PSD2: variants seen among roughly 807,000 people sequenced by gnomAD.
The protein encoded by PSD2 is pleckstrin and Sec7 domain containing 2.
A neutral mutation model predicts 69.8 loss-of-function variants in PSD2; 38 were observed. The ratio of observed to expected loss-of-function variants is 0.54; its 90% confidence interval spans 0.42 to 0.71. PSD2 has a LOEUF of 0.71. Ranked by LOEUF, PSD2 falls within the 30% of genes least tolerant of loss-of-function variation. PSD2 has a pLI of 0.00. For missense variants in PSD2, 943 were observed against 1,014.5 expected (o/e 0.93, Z 0.96); for synonymous variants, 412 against 423.0 (o/e 0.97, Z 0.32).
chr5:139,840,633 C>T (rs150682794), intron 14 of PSD2, among the ~76,000 whole-genome samples: 172 of 150,504 alleles, frequency 1.1e-3, no homozygotes, highest in Non-Finnish European at 1.8e-3. Context: ...TCACTATAAT[C>T]TCTGCCTCCT....
chr5:139,835,642 T>TGTACC, intron 8 of PSD2, 81 bp from the exon 9 acceptor site: 1 of 1,410,210 alleles, frequency 7.1e-7, no homozygotes, highest in Non-Finnish European at 1.0e-6. Context: ...GCTCCCTCAC[T>TGTACC]GTACCCATGT....
intron 7 of PSD2, among the ~76,000 whole-genome samples, chr5:139,827,211 A>G (rs892007013): frequency 9.2e-5 from 14 of 152,256 alleles, no homozygotes; most frequent in Admixed American, 3.3e-4. Flanking sequence ...AGAGAGAGCC[A>G]CAGTGTCTAC....
chr5:139,805,032 TTGTGCATGTGTG>T (rs1177008415), intron 1 of PSD2, among the ~76,000 whole-genome samples: 13 of 150,746 alleles, frequency 8.6e-5, no homozygotes, highest in African/African-American at 3.2e-4. Context: ...TGTGTGTGTA[TTGTGCATGTGTG>T]TGCGCATGTG....
At chr5:139,788,043 C>T in the PSD2 span, among the ~76,000 whole-genome samples, 1 of 152,228 alleles carries the variant, frequency 6.6e-6, no homozygotes, top group Non-Finnish European at 1.5e-5. Context: ...GACCTGTATT[C>T]GCTTCCTTTC....
the PSD2 span, among the ~76,000 whole-genome samples, chr5:139,766,830 T>TCTCTCTC: frequency 4.9e-5 from 1 of 20,592 alleles, no homozygotes; most frequent in East Asian, 1.6e-3. Flanking sequence ...GTCCCTTCCT[T>TCTCTCTC]CTTTCTTTCT....
the PSD2 span, among the ~76,000 whole-genome samples, chr5:139,756,427 G>T: frequency 6.6e-6 from 1 of 152,238 alleles, no homozygotes; most frequent in South Asian, 2.1e-4. Flanking sequence ...AGCATCTAGG[G>T]TCAGACTGGG....
At chr5:139,756,180 C>A in the PSD2 span, among the ~76,000 whole-genome samples, 1 of 152,206 alleles carries the variant, frequency 6.6e-6, no homozygotes, top group Non-Finnish European at 1.5e-5. Context: ...ATTTCTCCCC[C>A]CTCTTCCTTT....
At chr5:139,823,952 G>A (rs1760340827) in intron 7 of PSD2, among the ~76,000 whole-genome samples, 1 of 152,210 alleles carries the variant, frequency 6.6e-6, no homozygotes, top group Non-Finnish European at 1.5e-5. Flanking sequence ...GTCAGGAAGA[G>A]CAAATATGCG....
chr5:139,767,283 G>A, the PSD2 span, among the ~76,000 whole-genome samples: 3 of 151,208 alleles, frequency 2.0e-5, no homozygotes, highest in South Asian at 2.1e-4. Flanking sequence ...GTGAGCCACC[G>A]CACCCAGCCA....
At chr5:139,780,896 T>A in the PSD2 span, among the ~76,000 whole-genome samples, 2 of 152,202 alleles carry the variant, frequency 1.3e-5, no homozygotes, top group Non-Finnish European at 2.9e-5. Flanking sequence ...GCTACCATTA[T>A]CCCCATTTTA....
intron 7 of PSD2, among the ~76,000 whole-genome samples, chr5:139,825,203 G>A (rs569049620): frequency 3.3e-5 from 5 of 152,220 alleles, no homozygotes; most frequent in East Asian, 3.8e-4. Flanking sequence ...TGATGGGTCC[G>A]GTCTAAGGGT....
At chr5:139,743,889 CAGAA>C in the PSD2 span, 1 of 152,268 alleles carries the variant, frequency 6.6e-6, no homozygotes, top group Admixed American at 6.5e-5. Flanking sequence ...GGGGAGCAGG[CAGAA>C]AGAACAGGCT....
rs1388048671 is a variant in PSD2 at position 139,837,456 on chromosome 5, T to C, written c.1666-169T>C. ...TCAGCATGAGGCCTGTTCAGGCCTC[T>C]GGGACAAACTGGGGTAAGGGGAGGA... On this transcript the variant is annotated intron_variant, in intron 11 of 14. Coordinates refer to ENST00000274710, the MANE Select transcript of PSD2 (RefSeq NM_032289.4). This position sits in a 1 kb window ranked among gnomAD's most constrained non-coding sequence, Gnocchi z 5.0. Among the ~76,000 whole-genome samples, 2 of 152,114 alleles carry C rather than the reference T, an allele frequency of 1.3e-5. No individual in the cohort carries two copies. Among genetic ancestry groups the C allele is most frequent in the African/African-American group, 2.4e-5 (1 of 41,418 alleles).
the PSD2 span, among the ~76,000 whole-genome samples, chr5:139,785,730 A>G: frequency 1.6e-4 from 25 of 152,238 alleles, no homozygotes; most frequent in Non-Finnish European, 2.9e-4. Flanking sequence ...GACTCAATAT[A>G]TATTTGTTGA....
chr5:139,813,319 C>T lies in PSD2; in HGVS notation c.382C>T (p.Pro128Ser). ...CCTTGCATCCCACAGGTTGGATGGT[C>T]CCGGGGAGCCAGATGTGCGGGATGG... Reference protein sequence around the residue: ...AEDPQLGLDGPGEPDVRDGFS... With the variant: ...AEDPQLGLDGSGEPDVRDGFS... The change falls in exon 3 of 15, where the codon CCC (proline) becomes TCC (serine). Residue 128 changes from proline to serine, a missense_variant. Transcript: ENST00000274710. 1 of 1,551,010 alleles carries T rather than the reference C, an allele frequency of 6.4e-7. No individual in the cohort carries two copies. The highest frequency in any genetic ancestry group is 8.7e-7 in the Non-Finnish European group (1 of 1,143,136).
chr5:139,814,428 G>A lies in PSD2; in HGVS notation c.1016+64G>A. On this transcript the variant is annotated intron_variant, in intron 4 of 14. Coordinates refer to ENST00000274710, the MANE Select transcript of PSD2 (RefSeq NM_032289.4). This position sits in a 1 kb window ranked among gnomAD's most constrained non-coding sequence, Gnocchi z 4.4. ...CTCGTGTCTTCCTCAACCTGAAGAG[G>A]GTGTGGGTGACCTTCTTCAGGGGTG... The A allele has an allele frequency of 4.1e-6, 6 of 1,458,002 alleles. No individual in the cohort carries two copies. Among genetic ancestry groups the A allele is most frequent in the Non-Finnish European group, 5.5e-6 (6 of 1,095,876 alleles). The allele number at this position is 1,458,002 out of a possible 1,614,324, so 90.3% of individuals were successfully genotyped here. A position where few individuals can be genotyped will look rare whatever the true frequency, so the allele number is the denominator to read the frequency against.
rs769695049 is a variant in PSD2, at chr5:139,838,609, C to G, written c.1824-19C>G. Reference sequence around the variant, plus strand: ...GTCCTGTGTGAGAGGCCGGCACCCTCTCCCCCTCCTGTCCCCAGGAGCAAG... The same window carrying G: ...GTCCTGTGTGAGAGGCCGGCACCCTGTCCCCCTCCTGTCCCCAGGAGCAAG... On this transcript the variant is annotated intron_variant, in intron 12 of 14. Transcript: ENST00000274710. 1 of 1,606,642 alleles carries G rather than the reference C, an allele frequency of 6.2e-7. No homozygotes were observed. Among genetic ancestry groups the G allele is most frequent in the South Asian group, 1.1e-5 (1 of 90,738 alleles).
Position 139,828,727 on chromosome 5 carries a change from A to G in PSD2, c.1270-4975A>G, listed in dbSNP as rs372535432. Among the ~76,000 whole-genome samples, 625 of 152,292 alleles carry G rather than the reference A, an allele frequency of 4.1e-3. 1 individual carries two copies. The highest frequency in any genetic ancestry group is 6.7e-3 in the Non-Finnish European group (457 of 68,028). On this transcript the variant is annotated intron_variant, in intron 7 of 14. Transcript: ENST00000274710. Reference sequence around the variant, plus strand: ...CATTGTTCTGATCTCAGGGCTGTGCATGGAAATCAGACTTGTGGGAAAAGG... The same window carrying G: ...CATTGTTCTGATCTCAGGGCTGTGCGTGGAAATCAGACTTGTGGGAAAAGG...
Position 139,814,022 on chromosome 5 carries a change from A to T in PSD2, c.822-148A>T. On this transcript the variant is annotated intron_variant, in intron 3 of 14. Transcript: ENST00000274710. This position sits in a 1 kb window ranked among gnomAD's most constrained non-coding sequence, Gnocchi z 4.4. ...CTTGAGAGGTTCTTCTGAAAGTCTG[A>T]TTTCATTCCCTCCGGCTGCAGTGGA... The T allele has an allele frequency of 2.5e-6, 2 of 800,434 alleles. No homozygotes were observed. Among genetic ancestry groups the T allele is most frequent in the Non-Finnish European group, 4.1e-6 (2 of 492,804 alleles). The allele number at this position is 800,434 out of a possible 1,614,324, so 49.6% of individuals were successfully genotyped here. A position where few individuals can be genotyped will look rare whatever the true frequency, so the allele number is the denominator to read the frequency against.
Sources: allele counts gnomAD v4.1 joint callset (sites outside exome capture counted in the v4.1 genomes callset), GRCh38; gene constraint gnomAD v4.1.1; non-coding constraint Gnocchi (gnomAD v3.1); transcripts MANE v1.5; gene names NCBI Gene and HGNC (gene_info 2026-07-23, HGNC 2026-07-21).